Variants in SDF4 observed in about 807,000 individuals in gnomAD.
The protein encoded by SDF4 is 45 kDa calcium-binding protein.
SDF4 carries 22 observed loss-of-function variants against 34.2 expected under a neutral mutation model. The ratio of observed to expected loss-of-function variants is 0.64; its 90% confidence interval spans 0.46 to 0.92. The LOEUF is 0.92. Among genes scored for constraint, SDF4 ranks in the 40% least tolerant of loss-of-function variants. The probability of loss-of-function intolerance (pLI) is 0.00; values close to 1 mark genes in which losing one functional copy is unlikely to be tolerated. For synonymous variants in SDF4, 236 were observed against 203.1 expected (o/e 1.16, Z -1.38); for missense variants, 447 against 499.9 (o/e 0.89, Z 1.01).
chr1:1,216,946 T>C lies in SDF4; in HGVS notation c.*566A>G, dbSNP rs970293397. On this transcript the variant is annotated 3_prime_UTR_variant, in exon 7 of 7. Transcript: ENST00000360001. The stretch of plus-strand genomic sequence containing the variant: ...AAAAGGCAACTATATTTAAAGTAAA[T>C]GTATGTGATTCTTGTCACAACAAAT... The C allele has an allele frequency of 3.9e-5, 6 of 152,348 alleles. No homozygotes were observed. The highest frequency in any genetic ancestry group is 1.2e-4 in the African/African-American group (5 of 41,580). The allele number at this position is 152,348 out of a possible 1,614,324, so 9.4% of individuals were successfully genotyped here.
Position 1,218,522 on chromosome 1 carries a change from T to A in SDF4, c.827A>T (p.Lys276Ile). Residue 276 changes from lysine (K) to isoleucine (I), a missense_variant, in exon 6 of 7, where the codon AAA becomes ATA. Coordinates refer to ENST00000360001, the MANE Select transcript of SDF4 (RefSeq NM_016176.6). The surrounding 1 kb of genome is among the most constrained non-coding windows in gnomAD (Gnocchi z 7.9). ...GTCAATGAGCTCCTCAAACTCCTTT[T>A]TTCTGTCTTTCACCCAGTTGTCGTC... ...DIDDNWVKDR[K>I]KEFEELIDSN... 1.2e-6 allele frequency: 2 copies of A among 1,614,024 alleles called. No individual in the cohort carries two copies. The highest frequency in any genetic ancestry group is 1.7e-6 in the Non-Finnish European group (2 of 1,179,940).
At chr1:1,219,447 C>T in intron 4 of SDF4, 1 of 1,012,730 alleles carries the variant, frequency 9.9e-7, no homozygotes, top group Non-Finnish European at 1.2e-6. Flanking sequence ...GGAGCGGAAT[C>T]ACCCTGAAGG....
At position 1,223,973 on chromosome 1, in the gene SDF4, A is replaced by G. The variant is rs371593543; in HGVS notation, c.306-5T>C. 1.2e-6 allele frequency: 2 copies of G among 1,609,618 alleles called. No homozygotes were observed. Among genetic ancestry groups the G allele is most frequent in the Non-Finnish European group, 1.7e-6 (2 of 1,179,756 alleles). ...CGGTCAGTGTTCACATCCACCCTGC[A>G]AGACAGCAAATGGGCAGGTGGCCGT... is the stretch of plus-strand genomic sequence containing the variant. On this transcript the variant is annotated splice_polypyrimidine_tract_variant and splice_region_variant and intron_variant, in intron 2 of 6. Coordinates refer to ENST00000360001, the MANE Select transcript of SDF4 (RefSeq NM_016176.6).
intron 4 of SDF4, chr1:1,219,650 C>A: frequency 1.0e-6 from 1 of 986,292 alleles, no homozygotes; most frequent in Non-Finnish European, 1.2e-6. Flanking sequence ...TCCTGCCGTG[C>A]CCACCCGGCC....
At chr1:1,223,096 T>A in intron 4 of SDF4, 148 bp downstream of exon 4, 1 of 637,982 alleles carries the variant, frequency 1.6e-6, no homozygotes, top group East Asian at 2.8e-5. Flanking sequence ...CACAGCACAC[T>A]CGTACACACG....
At position 1,228,768 on chromosome 1, in the gene SDF4, G is replaced by A. The variant is rs1638397017; in HGVS notation, c.5C>T (p.Ala2Val). Residue 2 changes from alanine to valine, a missense_variant, in exon 2 of 7, where the codon GCG (alanine) becomes GTG (valine). Coordinates refer to ENST00000360001, the MANE Select transcript of SDF4 (RefSeq NM_016176.6). M[A>V]SRWGPLIGLA... The stretch of plus-strand genomic sequence containing the variant: ...GCCAATGAGGGGACCCCACCTGGAC[G>A]CCATCGCCACCCAGGGCCAGACCAT... 7.5e-6 allele frequency: 12 copies of A among 1,606,514 alleles called. No homozygotes were observed. Among genetic ancestry groups the A allele is most frequent in the East Asian group, 2.2e-5 (1 of 44,662 alleles).
In SDF4 at chr1:1,228,666, G is replaced by A. The variant is rs1638391878; in HGVS notation, c.107C>T (p.Ser36Phe). 1 of 1,613,148 alleles carries A rather than the reference G, an allele frequency of 6.2e-7. No homozygotes were observed. Among genetic ancestry groups the A allele is most frequent in the East Asian group, 2.2e-5 (1 of 44,882 alleles). The stretch of plus-strand genomic sequence containing the variant: ...CCTGTTGGCTACTCTCTCTCGAGTG[G>A]ACGAGTGGTTGGCAGGCCGTGCAGA... ...DASARPANHS[S>F]TRERVANREE... The change falls in exon 2 of 7, where the codon TCC becomes TTC. Residue 36 changes from serine to phenylalanine, a missense_variant. Coordinates refer to ENST00000360001, the MANE Select transcript of SDF4 (RefSeq NM_016176.6).
At chr1:1,219,865 T>TCTGCGTCGCGCTCA in intron 4 of SDF4, 1 of 985,864 alleles carries the variant, frequency 1.0e-6, no homozygotes, top group Non-Finnish European at 1.2e-6. Flanking sequence ...CCCGGCAGCC[T>TCTGCGTCGCGCTCA]CTGCGTCGCG....
intron 4 of SDF4, chr1:1,220,332 G>GC: frequency 9.1e-7 from 1 of 1,099,030 alleles, no homozygotes; most frequent in South Asian, 2.4e-5. Flanking sequence ...AGTGATGCCC[G>GC]CCTGCCACGC....
rs181224245 is a variant in SDF4 at position 1,223,269 on chromosome 1, G to T, written c.531C>A (p.Asn177Lys). ...TTTCCTCATCCACTTTGAGTTCCTCGTTGAGCCTGATGGCGTCGGCAACCT... is the reference window on the plus strand; with the variant it reads ...TTTCCTCATCCACTTTGAGTTCCTCTTTGAGCCTGATGGCGTCGGCAACCT... ...EKEVADAIRL[N>K]EELKVDEETQ... Residue 177 changes from asparagine (N) to lysine (K), a missense_variant, in exon 4 of 7, where the codon AAC becomes AAA. Physicochemically the swap from Asn to Lys is moderately conservative, Grantham distance 94. Coordinates refer to ENST00000360001, the MANE Select transcript of SDF4 (RefSeq NM_016176.6). The T allele has an allele frequency of 1.9e-6, 3 of 1,613,996 alleles. No individual in the cohort carries two copies. The South Asian group carries it at 3.3e-5, about 18-fold the overall frequency.
intron 4 of SDF4, among the ~76,000 whole-genome samples, chr1:1,222,997 C>T (rs777713192): frequency 3.9e-5 from 6 of 152,112 alleles, no homozygotes; most frequent in African/African-American, 7.2e-5. Context: ...ACAGTGCACT[C>T]GTACACACGA....
intron 4 of SDF4, among the ~76,000 whole-genome samples, chr1:1,222,211 G>A (rs569965800): frequency 3.9e-5 from 6 of 152,344 alleles, no homozygotes; most frequent in Admixed American, 6.5e-5. Flanking sequence ...GGGCATGACC[G>A]GGAAGGGCAC....
chr1:1,224,637 C>G (rs147535753), intron 2 of SDF4, among the ~76,000 whole-genome samples: 2 of 152,178 alleles, frequency 1.3e-5, no homozygotes, highest in Non-Finnish European at 2.9e-5. Flanking sequence ...ATAGGCAGGA[C>G]GCAGTGGCCA....
chr1:1,226,787 G>A (rs188344520), intron 2 of SDF4, among the ~76,000 whole-genome samples: 5 of 152,340 alleles, frequency 3.3e-5, no homozygotes, highest in East Asian at 1.9e-4. Flanking sequence ...GGTCCAGCTG[G>A]AGACGCACCG....
chr1:1,227,959 C>T (rs1254111128), intron 2 of SDF4, among the ~76,000 whole-genome samples: 1 of 152,210 alleles, frequency 6.6e-6, no homozygotes, highest in African/African-American at 2.4e-5. Flanking sequence ...CCCACACACC[C>T]CCAGCCTGCG....
chr1:1,220,180 A>G (rs1427743645), intron 4 of SDF4: 3 of 990,948 alleles, frequency 3.0e-6, no homozygotes, highest in East Asian at 1.1e-4. Context: ...CTTGAGTCCC[A>G]GTCCCTCCCC....
At chr1:1,225,981 C>T (rs1001317189) in intron 2 of SDF4, among the ~76,000 whole-genome samples, 3 of 152,258 alleles carry the variant, frequency 2.0e-5, no homozygotes, top group African/African-American at 7.2e-5. Context: ...GGCCGGTACC[C>T]ACGTGTACAC....
Position 1,223,822 on chromosome 1 carries a change from G to T in SDF4, c.442+10C>A. On this transcript the variant is annotated intron_variant, in intron 3 of 6. Transcript: ENST00000360001. ...CCACCGCCCCACCCACCCCGGCCCA[G>T]CCACAGTACCGTCCCCGTCAGGGTC... The T allele has an allele frequency of 4.7e-6, 2 of 427,420 alleles. No homozygotes were observed. Among genetic ancestry groups the T allele is most frequent in the East Asian group, 1.0e-4 (1 of 10,028 alleles). 26.5% of individuals were successfully genotyped at this position (427,420 alleles called of 1,614,324 possible).
chr1:1,231,739 G>C (rs2100991802), intron 1 of SDF4, among the ~76,000 whole-genome samples, 153 bp downstream of exon 1: 1 of 152,322 alleles, frequency 6.6e-6, no homozygotes, highest in African/African-American at 2.4e-5. Flanking sequence ...CCCCGGTGGC[G>C]GCGGAGTCTC....
Sources: gnomAD v4.1 joint callset for allele counts (sites outside exome capture counted in the v4.1 genomes callset) on GRCh38, gnomAD v4.1.1 for gene constraint, Gnocchi (gnomAD v3.1) non-coding constraint, MANE v1.5 for transcripts, NCBI Gene and HGNC (gene_info 2026-07-23, HGNC 2026-07-21) for gene names.